The following TRAPPC9 variants were observed in gnomAD, a reference collection of about 807,000 sequenced individuals.
TRAPPC9 encodes trafficking protein particle complex subunit 9, also known as IKK2 binding protein.
Under a neutral mutation model 124.0 loss-of-function variants are expected in TRAPPC9, and 83 were observed. The ratio of observed to expected loss-of-function variants is 0.67; its 90% CI spans 0.56 to 0.80. The LOEUF (loss-of-function observed/expected upper bound fraction) is 0.80, where lower values mean the gene tolerates loss of function less well. Among genes scored for constraint, TRAPPC9 ranks in the 30% least tolerant of loss-of-function variants. The probability of loss-of-function intolerance (pLI) is 0.00; values close to 1 mark genes in which losing one functional copy is unlikely to be tolerated. For synonymous variants in TRAPPC9, 638 were observed against 617.5 expected, an observed-to-expected ratio of 1.03 and a Z score of -0.49; for missense variants, 1,302 against 1,508.3, an observed-to-expected ratio of 0.86 and a Z score of 2.27.
At chr8:139,777,960 G>T (rs1341694643) in intron 21 of TRAPPC9, among the ~76,000 whole-genome samples, 1 of 152,058 alleles carries the variant, frequency 6.6e-6, no homozygotes, top group African/African-American at 2.4e-5. Flanking sequence ...ATACTGGAAA[G>T]GAGACAAGAG....
intron 19 of TRAPPC9, among the ~76,000 whole-genome samples, chr8:139,971,744 T>G (rs1836088924): frequency 8.9e-5 from 1 of 11,246 alleles, no homozygotes; most frequent in Non-Finnish European, 2.0e-4. Flanking sequence ...CACACATATA[T>G]ATATACACAC....
rs373158716 is a variant in TRAPPC9, at chr8:140,012,169, GA to G, written c.2699+11767del. Among the ~76,000 whole-genome samples, 26 of 152,254 alleles carry G rather than the reference GA, an allele frequency of 1.7e-4. No homozygotes were observed. In the East Asian group the frequency reaches 3.5e-3, roughly 20 times the overall value. ...AGCTTTTAGAAGAAAGAAGTGGGGG[GA>G]AAAAACGTATTATTTTATATAATCA... On this transcript the variant is annotated intron_variant, in intron 18 of 22. Transcript: ENST00000438773.
chr8:139,828,007 G>A (rs1040198044), intron 21 of TRAPPC9, among the ~76,000 whole-genome samples: 2 of 152,176 alleles, frequency 1.3e-5, no homozygotes, highest in Non-Finnish European at 2.9e-5. Context: ...AAGGTGCTAA[G>A]CCACACGTGA....
intron 9 of TRAPPC9, among the ~76,000 whole-genome samples, chr8:140,350,247 T>TTTC (rs1409780547): frequency 2.3e-5 from 3 of 130,806 alleles, no homozygotes; most frequent in Non-Finnish European, 3.3e-5. Flanking sequence ...TTATTTTTGG[T>TTTC]CTCCTGTATT....
At chr8:140,430,350 T>C (rs1216013434) in intron 4 of TRAPPC9, among the ~76,000 whole-genome samples, 1 of 152,134 alleles carries the variant, frequency 6.6e-6, no homozygotes, top group Non-Finnish European at 1.5e-5. Flanking sequence ...TAATAAAGGC[T>C]TTGTCCTAAG....
At chr8:139,738,282 TGAATCCCCAG>T (rs1033501472) in intron 21 of TRAPPC9, among the ~76,000 whole-genome samples, 1 of 152,200 alleles carries the variant, frequency 6.6e-6, no homozygotes, top group African/African-American at 2.4e-5. Context: ...CAAAGCCTCC[TGAATCCCCAG>T]GACTTCCTTC....
intron 18 of TRAPPC9, among the ~76,000 whole-genome samples, chr8:140,021,393 T>G (rs1210793924): frequency 1.3e-5 from 2 of 152,246 alleles, no homozygotes; most frequent in Non-Finnish European, 2.9e-5. Context: ...TTTGTGCCAC[T>G]TTTTTGTTAC....
At chr8:140,150,397 C>T (rs1233593768) in intron 17 of TRAPPC9, among the ~76,000 whole-genome samples, 1 of 152,028 alleles carries the variant, frequency 6.6e-6, no homozygotes, top group Non-Finnish European at 1.5e-5. Flanking sequence ...TGCAGTGAGC[C>T]GAGATCACGC....
chr8:140,112,024 A>G (rs2060785554), intron 17 of TRAPPC9, among the ~76,000 whole-genome samples: 2 of 152,266 alleles, frequency 1.3e-5, no homozygotes, highest in Non-Finnish European at 2.9e-5. Context: ...TCCAGAAAAG[A>G]ACATCTTTGG....
At chr8:139,810,161 G>C (rs1018629077) in intron 21 of TRAPPC9, among the ~76,000 whole-genome samples, 1 of 152,188 alleles carries the variant, frequency 6.6e-6, no homozygotes, top group African/African-American at 2.4e-5. Context: ...AATGACAGCT[G>C]TGGAAAGAGG....
At chr8:139,757,020 G>A (rs1819872321) in intron 21 of TRAPPC9, among the ~76,000 whole-genome samples, 4 of 135,020 alleles carry the variant, frequency 3.0e-5, no homozygotes, top group African/African-American at 5.7e-5. Context: ...CCAGGGTTTG[G>A]GGATGAGGAC....
upstream of TRAPPC9, chr8:140,458,445 G>C: frequency 6.3e-7 from 1 of 1,579,714 alleles, no homozygotes; most frequent in Non-Finnish European, 8.6e-7. Context: ...TGACCGTGGC[G>C]CGCGCGGCCT....
intron 9 of TRAPPC9, among the ~76,000 whole-genome samples, chr8:140,349,667 C>A (rs1450922910): frequency 6.6e-6 from 1 of 152,152 alleles, no homozygotes; most frequent in South Asian, 2.1e-4. Context: ...AGGGCATGAG[C>A]GCTTGTGCCA....
chr8:140,380,504 A>C (rs1276846731), intron 7 of TRAPPC9, among the ~76,000 whole-genome samples: 5 of 151,792 alleles, frequency 3.3e-5, no homozygotes, highest in Admixed American at 2.0e-4. Context: ...ACATAGAAAA[A>C]ATTAGCCAGG....
chr8:139,903,276 A>C (rs12547471), intron 20 of TRAPPC9, among the ~76,000 whole-genome samples: 69,260 of 151,730 alleles, frequency 0.46, 16,973 homozygotes, highest in African/African-American at 0.65. Flanking sequence ...CCAGCCTCTA[A>C]CTCACTCTCA....
At chr8:140,420,224 T>C (rs917243772) in intron 5 of TRAPPC9, among the ~76,000 whole-genome samples, 1 of 152,086 alleles carries the variant, frequency 6.6e-6, no homozygotes, top group Non-Finnish European at 1.5e-5. Context: ...AGGTAAATGT[T>C]GAAAAGACAT....
intron 7 of TRAPPC9, among the ~76,000 whole-genome samples, chr8:140,388,630 C>T (rs2068828109): frequency 6.6e-6 from 1 of 151,948 alleles, no homozygotes; most frequent in Non-Finnish European, 1.5e-5. Flanking sequence ...CTGTGGTGAG[C>T]TGAGATCACA....
intron 16 of TRAPPC9, among the ~76,000 whole-genome samples, chr8:140,230,292 C>T (rs2063560228): frequency 6.6e-6 from 1 of 152,128 alleles, no homozygotes; most frequent in South Asian, 2.1e-4. Context: ...GCATTTTCTT[C>T]CCTTCTAAAG....
intron 17 of TRAPPC9, among the ~76,000 whole-genome samples, chr8:140,025,492 T>A (rs1156344476): frequency 7.0e-6 from 1 of 143,350 alleles, no homozygotes; most frequent in African/African-American, 2.6e-5. Context: ...GAGGAAAACA[T>A]AGGAACAAAT....
Sources: gnomAD v4.1 joint callset for allele counts (sites outside exome capture counted in the v4.1 genomes callset) on GRCh38, gnomAD v4.1.1 for gene constraint, MANE v1.5 for transcripts, NCBI Gene and HGNC (gene_info 2026-07-23, HGNC 2026-07-21) for gene names.